Variants in BANK1 observed in about 807,000 individuals in gnomAD.
BANK1 encodes the protein B cell scaffold protein with ankyrin repeats 1.
BANK1 carries 95 observed loss-of-function variants against 94.5 expected under a neutral mutation model. That is an observed-to-expected ratio of 1.00 (90% confidence interval 0.85 to 1.19). The LOEUF (loss-of-function observed/expected upper bound fraction) is 1.19. Ranked by LOEUF, BANK1 falls within the 50% of genes most tolerant of loss-of-function variation. The pLI is 0.00. For synonymous variants in BANK1, 334 were observed against 308.4 expected (o/e 1.08, Z -0.87); for missense variants, 987 against 932.2 (o/e 1.06, Z -0.77).
At chr4:102,037,788 T>C (rs1432664984) in intron 10 of BANK1, among the ~76,000 whole-genome samples, 1 of 152,226 alleles carries the variant, frequency 6.6e-6, no homozygotes. Context: ...AAACCATATA[T>C]GTACAGTGGC....
At chr4:101,983,985 A>G (rs1725405913) in intron 7 of BANK1, among the ~76,000 whole-genome samples, 1 of 152,064 alleles carries the variant, frequency 6.6e-6, no homozygotes, top group Admixed American at 6.6e-5. Flanking sequence ...ATATGTTCTG[A>G]CTGTATTAAA....
At chr4:101,907,996 A>G (rs1254573966) in intron 6 of BANK1, among the ~76,000 whole-genome samples, 5 of 152,170 alleles carry the variant, frequency 3.3e-5, no homozygotes, top group Admixed American at 3.3e-4. Context: ...TAATTTATAG[A>G]TTCAATGCCA....
chr4:101,996,336 A>G (rs1370638184), intron 7 of BANK1, among the ~76,000 whole-genome samples: 7 of 152,108 alleles, frequency 4.6e-5, no homozygotes, highest in African/African-American at 1.7e-4. Context: ...GTAGCCTTGT[A>G]GTATAGTTTG....
intron 3 of BANK1, among the ~76,000 whole-genome samples, chr4:101,861,012 G>A (rs977188946): frequency 1.3e-5 from 2 of 152,152 alleles, no homozygotes; most frequent in Admixed American, 6.5e-5. Context: ...TACTAGAAGC[G>A]AGGCCCTGTG....
rs1267329408 is a variant in BANK1 at position 102,072,329 on chromosome 4, G to T, written c.2243-16G>T. On this transcript the variant is annotated splice_polypyrimidine_tract_variant and intron_variant, in intron 14 of 16. Transcript: ENST00000322953. ...GTGAATGAATAAAGAGGTAATAACT[G>T]AGTTTGTATTTCTAGGTAAGGAAAC... 4.5e-6 allele frequency: 7 copies of T among 1,546,956 alleles called. No individual in the cohort carries two copies. The highest frequency in any genetic ancestry group is 6.2e-6 in the Non-Finnish European group (7 of 1,121,978).
At chr4:101,991,500 TATAGAG>T (rs879909473) in intron 7 of BANK1, among the ~76,000 whole-genome samples, 49 of 152,204 alleles carry the variant, frequency 3.2e-4, no homozygotes, top group Non-Finnish European at 5.3e-4. Context: ...GTTAAAAAGA[TATAGAG>T]ATAAAGTTGA....
intron 1 of BANK1, among the ~76,000 whole-genome samples, chr4:101,808,427 A>G (rs1725633014): frequency 6.6e-6 from 1 of 152,202 alleles, no homozygotes; most frequent in East Asian, 1.9e-4. Context: ...GAGTTTTGCT[A>G]CTTTCAAGGT....
chr4:101,884,020 GAAAT>G (rs1020909086), intron 5 of BANK1, among the ~76,000 whole-genome samples: 1 of 152,076 alleles, frequency 6.6e-6, no homozygotes, highest in Non-Finnish European at 1.5e-5. Context: ...ATAAGATAAA[GAAAT>G]AAAGTAGATA....
At chr4:102,065,045 G>A (rs940706799) in intron 13 of BANK1, among the ~76,000 whole-genome samples, 6 of 152,156 alleles carry the variant, frequency 3.9e-5, no homozygotes, top group South Asian at 2.1e-4. Context: ...AAGCATGCAA[G>A]ACAGCAACTT....
At chr4:102,010,038 G>A (rs1160939289) in intron 7 of BANK1, among the ~76,000 whole-genome samples, 5 of 152,148 alleles carry the variant, frequency 3.3e-5, no homozygotes, top group Admixed American at 6.5e-5. Context: ...AGGCTAAGGT[G>A]GGCAGATCAC....
intron 2 of BANK1, among the ~76,000 whole-genome samples, chr4:101,835,031 G>T (rs1304079483): frequency 1.3e-5 from 2 of 151,968 alleles, no homozygotes; most frequent in Non-Finnish European, 2.9e-5. Flanking sequence ...CCCAAATTGG[G>T]AGTAACACAA....
At chr4:102,058,910 T>C (rs917342499) in intron 11 of BANK1, among the ~76,000 whole-genome samples, 4 of 152,114 alleles carry the variant, frequency 2.6e-5, no homozygotes, top group African/African-American at 9.7e-5. Flanking sequence ...CACGTGAATC[T>C]TTTTGGAAAG....
intron 7 of BANK1, among the ~76,000 whole-genome samples, chr4:102,017,140 G>A (rs536036100): frequency 9.9e-5 from 15 of 152,284 alleles, no homozygotes; most frequent in African/African-American, 3.4e-4. Flanking sequence ...GTTATCTACA[G>A]GTTATTTTCA....
At chr4:101,799,965 G>T (rs1225291202) in intron 1 of BANK1, among the ~76,000 whole-genome samples, 8 of 152,098 alleles carry the variant, frequency 5.3e-5, no homozygotes, top group Non-Finnish European at 8.8e-5. Context: ...AAAAGGATGA[G>T]TTCATGTCCT....
chr4:101,840,701 A>G (rs1727013360), intron 2 of BANK1, among the ~76,000 whole-genome samples: 1 of 152,212 alleles, frequency 6.6e-6, no homozygotes, highest in Non-Finnish European at 1.5e-5. Context: ...TGCTGTTAAT[A>G]AATACATGGG....
chr4:101,929,748 A>C (rs1316078716), intron 7 of BANK1, among the ~76,000 whole-genome samples: 1 of 151,216 alleles, frequency 6.6e-6, no homozygotes, highest in Non-Finnish European at 1.5e-5. Flanking sequence ...AATGTTGATA[A>C]CCCTTCCTGG....
intron 1 of BANK1, among the ~76,000 whole-genome samples, chr4:101,797,417 A>T (rs1456176578): frequency 6.6e-6 from 1 of 152,180 alleles, no homozygotes; most frequent in East Asian, 1.9e-4. Context: ...TTAATGAGGG[A>T]TGGCACATGA....
rs776120986 is a variant in BANK1, at chr4:101,861,531, C to T, written c.625-995C>T. Reference sequence around the variant, plus strand: ...TTTATTTTAATTTTTTCATGGGGTTCGACAGCATGATATAAGGATTAGTGT... The same window carrying T: ...TTTATTTTAATTTTTTCATGGGGTTTGACAGCATGATATAAGGATTAGTGT... On this transcript the variant is annotated intron_variant, in intron 3 of 16. Transcript: ENST00000322953. Among the ~76,000 whole-genome samples, 30 of 151,486 alleles carry T rather than the reference C, an allele frequency of 2.0e-4. 1 individual carries two copies. In the East Asian group the frequency reaches 4.6e-3, roughly 23 times the overall value.
intron 10 of BANK1, among the ~76,000 whole-genome samples, chr4:102,042,523 T>C (rs1006271219): frequency 1.3e-5 from 2 of 152,092 alleles, no homozygotes; most frequent in Non-Finnish European, 2.9e-5. Flanking sequence ...TCATACATTT[T>C]TAATTACTAA....
Sources: allele counts gnomAD v4.1 joint callset (sites outside exome capture counted in the v4.1 genomes callset), GRCh38; gene constraint gnomAD v4.1.1; transcripts MANE v1.5; gene names NCBI Gene and HGNC (gene_info 2026-07-23, HGNC 2026-07-21).